MPPED2: variants seen among roughly 807,000 people sequenced by gnomAD.
MPPED2 encodes the protein metallophosphoesterase MPPED2.
In MPPED2, 5 loss-of-function variants were observed where a neutral mutation model predicts 33.0. The observed-to-expected ratio is 0.15, with a 90% CI of 0.08 to 0.32. The LOEUF is 0.32. Among genes scored for constraint, MPPED2 ranks in the 10% least tolerant of loss-of-function variants. MPPED2 has a pLI of 1.00. For missense variants in MPPED2, 275 were observed against 372.1 expected (o/e 0.74, Z 2.15); for synonymous variants, 136 against 141.9 (o/e 0.96, Z 0.29).
At chr11:30,402,404 T>C (rs750340506) in intron 6 of MPPED2, among the ~76,000 whole-genome samples, 10 of 152,336 alleles carry the variant, frequency 6.6e-5, no homozygotes, top group South Asian at 2.1e-4. Context: ...AAGTCTCTTA[T>C]GTGCCATTGT....
chr11:30,531,745 T>C (rs1273636851), intron 3 of MPPED2, among the ~76,000 whole-genome samples: 1 of 152,240 alleles, frequency 6.6e-6, no homozygotes, highest in African/African-American at 2.4e-5. Flanking sequence ...GGGAGAATAC[T>C]TCCCTACCTC....
chr11:30,580,442 T>G lies in MPPED2; in HGVS notation c.-69A>C. 1 of 1,583,982 alleles carries G rather than the reference T, an allele frequency of 6.3e-7. No individual in the cohort carries two copies. Among genetic ancestry groups the G allele is most frequent in the Admixed American group, 1.7e-5 (1 of 57,472 alleles). ...AAAAGATGGAAGCAGGCATGGTGCG[T>G]TTCAGCCAACCTCTGAATCCAAGGA... On this transcript the variant is annotated 5_prime_UTR_variant, in exon 2 of 7. Coordinates refer to ENST00000358117, the MANE Select transcript of MPPED2 (RefSeq NM_001584.3).
chr11:30,406,131 C>T (rs945332828), downstream of MPPED2, among the ~76,000 whole-genome samples: 4 of 152,036 alleles, frequency 2.6e-5, no homozygotes, highest in African/African-American at 4.8e-5. Flanking sequence ...TGCAGGTGGA[C>T]GGGTTGAAGA....
intron 4 of MPPED2, among the ~76,000 whole-genome samples, chr11:30,426,190 C>G (rs926218418): frequency 6.6e-6 from 1 of 152,170 alleles, no homozygotes; most frequent in Non-Finnish European, 1.5e-5. Flanking sequence ...TCCCTAGTAA[C>G]CACTATTATA....
At chr11:30,401,414 A>C (rs1389893501) in intron 6 of MPPED2, among the ~76,000 whole-genome samples, 2 of 152,212 alleles carry the variant, frequency 1.3e-5, no homozygotes, top group Non-Finnish European at 2.9e-5. Flanking sequence ...GGCTGAGAAG[A>C]TACAGATGTC....
intron 6 of MPPED2, among the ~76,000 whole-genome samples, chr11:30,396,335 C>T (rs1433663379): frequency 6.6e-6 from 1 of 152,162 alleles, no homozygotes; most frequent in East Asian, 1.9e-4. Flanking sequence ...ATTCCCACTC[C>T]AGCCTTTAGC....
intron 2 of MPPED2, among the ~76,000 whole-genome samples, chr11:30,579,828 GAAA>G (rs10589055): frequency 6.2e-5 from 9 of 145,412 alleles, no homozygotes; most frequent in Middle Eastern, 3.6e-3. Flanking sequence ...TGAGGTGTGG[GAAA>G]AAAAAAAAAA....
At chr11:30,445,225 G>A (rs1377681672) in intron 4 of MPPED2, among the ~76,000 whole-genome samples, 2 of 152,162 alleles carry the variant, frequency 1.3e-5, no homozygotes, top group Non-Finnish European at 2.9e-5. Context: ...CTCTGGGTAT[G>A]TAAGACTGGC....
chr11:30,552,284 C>T (rs899899386), intron 2 of MPPED2, among the ~76,000 whole-genome samples: 3 of 152,208 alleles, frequency 2.0e-5, no homozygotes, highest in African/African-American at 7.2e-5. Flanking sequence ...GCAAATTTCC[C>T]CGATCCACAA....
chr11:30,442,616 A>T (rs1949629030), intron 4 of MPPED2, among the ~76,000 whole-genome samples: 1 of 152,230 alleles, frequency 6.6e-6, no homozygotes, highest in Non-Finnish European at 1.5e-5. Context: ...AGTGACACAG[A>T]GGCTAGAGTG....
intron 4 of MPPED2, among the ~76,000 whole-genome samples, chr11:30,422,958 C>T (rs976945158): frequency 2.6e-5 from 4 of 152,158 alleles, no homozygotes; most frequent in African/African-American, 7.2e-5. Flanking sequence ...AAGCACTTGG[C>T]CTCCCTGGGC....
chr11:30,396,164 C>T (rs990860560), intron 6 of MPPED2, among the ~76,000 whole-genome samples: 1 of 152,126 alleles, frequency 6.6e-6, no homozygotes, highest in African/African-American at 2.4e-5. Flanking sequence ...GAACACTGTC[C>T]TCTGACTCCC....
chr11:30,479,081 A>G lies in MPPED2; in HGVS notation c.536+16215T>C, dbSNP rs76270159. Among the ~76,000 whole-genome samples the G allele has an allele frequency of 3.3e-4, 50 of 152,260 alleles. No homozygotes were observed. The East Asian group carries it at 7.5e-3, about 23-fold the overall frequency. On this transcript the variant is annotated intron_variant, in intron 4 of 6. Transcript: ENST00000358117. The stretch of plus-strand genomic sequence containing the variant: ...GGACATTTTCCCAGAGGGCCTGGAC[A>G]AGAAGCCTCCCTGGTCTTCTTATCC...
intron 6 of MPPED2, among the ~76,000 whole-genome samples, chr11:30,413,927 A>C (rs763980915): frequency 5.9e-5 from 9 of 152,184 alleles, no homozygotes; most frequent in Non-Finnish European, 1.2e-4. Flanking sequence ...GTTGCTCTAA[A>C]GCAGTGGTTA....
At chr11:30,501,139 C>G (rs1311045476) in intron 3 of MPPED2, among the ~76,000 whole-genome samples, 1 of 152,132 alleles carries the variant, frequency 6.6e-6, no homozygotes, top group African/African-American at 2.4e-5. Context: ...TTCTGACACT[C>G]TATATTCACT....
At chr11:30,423,371 A>G (rs934453220) in intron 4 of MPPED2, among the ~76,000 whole-genome samples, 8 of 152,204 alleles carry the variant, frequency 5.3e-5, no homozygotes, top group African/African-American at 1.9e-4. Context: ...TTGGGTTCTT[A>G]TTACTATAGT....
At chr11:30,445,396 CA>C (rs1440931379) in intron 4 of MPPED2, among the ~76,000 whole-genome samples, 1 of 152,214 alleles carries the variant, frequency 6.6e-6, no homozygotes, top group Non-Finnish European at 1.5e-5. Context: ...GACTGGTATT[CA>C]AGGGATTTGC....
intron 4 of MPPED2, among the ~76,000 whole-genome samples, chr11:30,474,936 A>G (rs1951113248): frequency 1.3e-5 from 2 of 152,226 alleles, no homozygotes; most frequent in Admixed American, 6.5e-5. Flanking sequence ...AAAAAACTGC[A>G]TAACTTGACA....
At chr11:30,535,249 T>G (rs1018976584) in intron 3 of MPPED2, among the ~76,000 whole-genome samples, 2 of 152,184 alleles carry the variant, frequency 1.3e-5, no homozygotes, top group African/African-American at 4.8e-5. Flanking sequence ...AATGTTACGC[T>G]CCCAGAGTGA....
Sources: allele counts gnomAD v4.1 joint callset (sites outside exome capture counted in the v4.1 genomes callset), GRCh38; gene constraint gnomAD v4.1.1; transcripts MANE v1.5; gene names NCBI Gene and HGNC (gene_info 2026-07-23, HGNC 2026-07-21).